PTPRQ: variants seen among roughly 807,000 people sequenced by gnomAD.
The protein encoded by PTPRQ is phosphatidylinositol phosphatase PTPRQ.
A neutral mutation model predicts 246.0 loss-of-function variants in PTPRQ; 199 were observed. The ratio of observed to expected loss-of-function variants is 0.81; its 90% CI spans 0.72 to 0.91. The LOEUF (loss-of-function observed/expected upper bound fraction) is 0.91. Among genes scored for constraint, PTPRQ ranks in the 40% least tolerant of loss-of-function variants. The pLI, the probability that PTPRQ is intolerant of heterozygous loss-of-function variation, is 0.00. For synonymous variants in PTPRQ, 869 were observed against 853.2 expected (o/e 1.02, Z -0.32); for missense variants, 2,624 against 2,528.4 (o/e 1.04, Z -0.81).
At chr12:80,657,906 T>C in intron 38 of PTPRQ, 79 bp from the exon 39 acceptor site, 6 of 1,080,622 alleles carry the variant, frequency 5.6e-6, no homozygotes, top group Non-Finnish European at 7.5e-6. Flanking sequence ...TATGAACTCC[T>C]TTGTATTACT....
Position 80,534,903 on chromosome 12 carries a change from C to T in PTPRQ, c.2851C>T (p.Pro951Ser). The T allele has an allele frequency of 6.5e-6, 10 of 1,548,222 alleles. No homozygotes were observed. Among genetic ancestry groups the T allele is most frequent in the Non-Finnish European group, 8.7e-6 (10 of 1,145,648 alleles). The change falls in exon 19 of 45, where the codon CCT becomes TCT. Residue 951 changes from proline (P) to serine (S), a missense_variant. By Grantham distance (74) the Pro-to-Ser change is moderately conservative (BLOSUM62 -1). Transcript: ENST00000644991. ...FQTPEGAPSD[P>S]PKDVYYANLS... is the part of the protein sequence containing the mutation. Reference sequence around the variant, plus strand: ...TATTTGTTTTATAGCACCAAGCGATCCTCCCAAAGATGTTTATTATGCAAA... The same window carrying T: ...TATTTGTTTTATAGCACCAAGCGATTCTCCCAAAGATGTTTATTATGCAAA...
chr12:80,564,979 A>T (rs985187109), intron 25 of PTPRQ, among the ~76,000 whole-genome samples: 3 of 152,192 alleles, frequency 2.0e-5, no homozygotes, highest in African/African-American at 7.2e-5. Flanking sequence ...TCCAAAGTGG[A>T]TTTAAAATTC....
intron 28 of PTPRQ, among the ~76,000 whole-genome samples, chr12:80,612,158 T>C (rs1041865349): frequency 1.3e-5 from 2 of 150,430 alleles, no homozygotes; most frequent in Non-Finnish European, 3.0e-5. Flanking sequence ...AATTATGTTA[T>C]GCATCAAGAA....
chr12:80,470,462 G>C (rs1277993012), intron 7 of PTPRQ, among the ~76,000 whole-genome samples: 2 of 152,200 alleles, frequency 1.3e-5, no homozygotes, highest in Non-Finnish European at 2.9e-5. Context: ...GGTCTGAGCA[G>C]AGAAGAGTAA....
intron 28 of PTPRQ, among the ~76,000 whole-genome samples, chr12:80,611,116 A>G (rs1247007554): frequency 6.6e-6 from 1 of 150,442 alleles, no homozygotes; most frequent in South Asian, 2.1e-4. Flanking sequence ...GTCAAGTAAT[A>G]TATGTCTTAT....
intron 25 of PTPRQ, among the ~76,000 whole-genome samples, chr12:80,554,772 G>A (rs767042632): frequency 3.3e-5 from 5 of 151,844 alleles, no homozygotes; most frequent in East Asian, 3.9e-4. Flanking sequence ...AGACAATATC[G>A]CACTATGTCA....
intron 33 of PTPRQ, among the ~76,000 whole-genome samples, chr12:80,623,711 T>G (rs544140275): frequency 9.2e-5 from 14 of 152,298 alleles, no homozygotes; most frequent in Non-Finnish European, 1.5e-4. Flanking sequence ...CTTGCTGTAT[T>G]GTATGATGTT....
chr12:80,506,162 A>G lies in PTPRQ; in HGVS notation c.2411A>G (p.Glu804Gly), dbSNP rs1045823225. ...TIYLKRSNGNEERTINTTSLT... is the reference protein window; with the variant it reads ...TIYLKRSNGNGERTINTTSLT... ...TATCTCAAGAGAAGTAATGGAAATG[A>G]GGAAAGAACTATAAATACAACCTCT... Residue 804 changes from glutamate (E) to glycine (G), a missense_variant, in exon 15 of 45, where the codon GAG (glutamate) becomes GGG (glycine). Transcript: ENST00000644991. 1.8e-5 allele frequency: 27 copies of G among 1,528,638 alleles called. No homozygotes were observed. Among genetic ancestry groups the G allele is most frequent in the African/African-American group, 2.8e-5 (2 of 71,964 alleles). The allele number at this position is 1,528,638 out of a possible 1,614,324, so 94.7% of individuals were successfully genotyped here.
At chr12:80,610,692 A>T in intron 28 of PTPRQ, 67 bp downstream of exon 28, 1 of 1,500,982 alleles carries the variant, frequency 6.7e-7, no homozygotes, top group East Asian at 2.5e-5. Flanking sequence ...ACAGTTCATC[A>T]TACTCCACCA....
At chr12:80,531,255 C>T (rs1895834654) in intron 17 of PTPRQ, among the ~76,000 whole-genome samples, 1 of 151,756 alleles carries the variant, frequency 6.6e-6, no homozygotes, top group Non-Finnish European at 1.5e-5. Context: ...TGATATAGAT[C>T]ATTGGTGTTA....
chr12:80,560,515 A>G (rs996095470), intron 25 of PTPRQ, among the ~76,000 whole-genome samples: 2 of 152,224 alleles, frequency 1.3e-5, no homozygotes, highest in African/African-American at 4.8e-5. Context: ...CCACTGTTAT[A>G]TGGCCACAAA....
chr12:80,523,004 T>C (rs1565762495), intron 17 of PTPRQ, among the ~76,000 whole-genome samples: 1 of 152,216 alleles, frequency 6.6e-6, no homozygotes, highest in African/African-American at 2.4e-5. Flanking sequence ...GGACTTTTTT[T>C]GGTTGGTAAG....
chr12:80,670,506 C>T lies in PTPRQ; in HGVS notation c.6602+14C>T, dbSNP rs1464410123. 8.6e-6 allele frequency: 13 copies of T among 1,518,578 alleles called. No individual in the cohort carries two copies. The South Asian group carries it at 1.7e-4, about 19-fold the overall frequency. The allele number at this position is 1,518,578 out of a possible 1,614,324, so 94.1% of individuals were successfully genotyped here. On this transcript the variant is annotated intron_variant, in intron 42 of 44. Transcript: ENST00000644991. The stretch of plus-strand genomic sequence containing the variant: ...TGTTCACTGCAGGTGAGAAAGTGAT[C>T]AGAAATGGCCTTTGAACCCATTGGT...
At chr12:80,558,119 CTTTCT>C (rs370347187) in intron 25 of PTPRQ, among the ~76,000 whole-genome samples, 15,155 of 95,456 alleles carry the variant, frequency 0.16, 1,157 homozygotes, top group Non-Finnish European at 0.19. Flanking sequence ...TCTTTTCTTT[CTTTCT>C]TTTCTTTTCT....
intron 8 of PTPRQ, among the ~76,000 whole-genome samples, chr12:80,481,997 C>A (rs10862138): frequency 0.88 from 103,998 of 118,182 alleles, 46,368 homozygotes; most frequent in Non-Finnish European, 0.92. Flanking sequence ...GCTACCAATG[C>A]CTTTCTTCAC....
chr12:80,452,405 T>G (rs199797049), intron 3 of PTPRQ, among the ~76,000 whole-genome samples: 4 of 152,294 alleles, frequency 2.6e-5, no homozygotes, highest in Admixed American at 1.3e-4. Context: ...GATCCTGTCA[T>G]TATGATGTTA....
At chr12:80,613,195 A>G (rs927755872) in intron 28 of PTPRQ, among the ~76,000 whole-genome samples, 1 of 150,572 alleles carries the variant, frequency 6.6e-6, no homozygotes, top group Non-Finnish European at 1.5e-5. Flanking sequence ...GTTACATAAG[A>G]TATTACCAAT....
chr12:80,575,544 T>C (rs969933980), intron 25 of PTPRQ, among the ~76,000 whole-genome samples: 1 of 152,110 alleles, frequency 6.6e-6, no homozygotes, highest in African/African-American at 2.4e-5. Flanking sequence ...AAGGTACCAC[T>C]GCACTCCAGC....
intron 17 of PTPRQ, among the ~76,000 whole-genome samples, chr12:80,527,335 A>G (rs924274684): frequency 2.0e-5 from 3 of 152,112 alleles, no homozygotes; most frequent in East Asian, 1.9e-4. Flanking sequence ...ATTCATTATT[A>G]TACTATACTA....
Sources: gnomAD v4.1 joint callset for allele counts (sites outside exome capture counted in the v4.1 genomes callset) on GRCh38, gnomAD v4.1.1 for gene constraint, MANE v1.5 for transcripts, NCBI Gene and HGNC (gene_info 2026-07-23, HGNC 2026-07-21) for gene names.